Variants in MLLT1 observed in about 807,000 individuals in gnomAD.
MLLT1 encodes protein ENL.
In MLLT1, 11 loss-of-function variants were observed where a neutral mutation model predicts 55.1. That is an observed-to-expected ratio of 0.20 (90% CI 0.13 to 0.33). The LOEUF is 0.33. Ranked by LOEUF, MLLT1 falls within the 10% of genes least tolerant of loss-of-function variation. MLLT1 has a pLI of 1.00. For synonymous variants in MLLT1, 323 were observed against 320.1 expected, an observed-to-expected ratio of 1.01 and a Z score of -0.10; for missense variants, 536 against 760.6, an observed-to-expected ratio of 0.70 and a Z score of 3.47.
Position 6,226,090 on chromosome 19 carries a change from C to T in MLLT1, c.546+887G>A, listed in dbSNP as rs1332100165. ...TGCGGTTCTTCTCCCGCATGGCTGA[C>T]GGTGAGTCTGTGAGGCAGCTGGAGA... On this transcript the variant is annotated intron_variant, in intron 5 of 11. Transcript: ENST00000252674. This position sits in a 1 kb window ranked among gnomAD's most constrained non-coding sequence, Gnocchi z 6.3. Among the ~76,000 whole-genome samples the T allele has an allele frequency of 1.3e-5, 2 of 152,206 alleles. No homozygotes were observed. Among genetic ancestry groups the T allele is most frequent in the African/African-American group, 2.4e-5 (1 of 41,452 alleles).
At chr19:6,267,561 C>A (rs1385119932) in intron 2 of MLLT1, among the ~76,000 whole-genome samples, 1 of 152,056 alleles carries the variant, frequency 6.6e-6, no homozygotes, top group Non-Finnish European at 1.5e-5. Flanking sequence ...CAAATTTTAA[C>A]CAAAAATGAC....
rs945620563 is a variant in MLLT1, at chr19:6,270,400, C to T, written c.193+179G>A. ...CCACCACCTCCTTCGGTTCTTCCTACGACTAACTCAACAGCTGGAGGTGAC... is the reference window on the plus strand; with the variant it reads ...CCACCACCTCCTTCGGTTCTTCCTATGACTAACTCAACAGCTGGAGGTGAC... On this transcript the variant is annotated intron_variant, in intron 2 of 11. Coordinates refer to ENST00000252674, the MANE Select transcript of MLLT1 (RefSeq NM_005934.4). This position sits in a 1 kb window ranked among gnomAD's most constrained non-coding sequence, Gnocchi z 7.1. 4.6e-5 allele frequency among the ~76,000 whole-genome samples: 7 copies of T among 152,028 alleles called. No homozygotes were observed. The highest frequency in any genetic ancestry group is 7.4e-5 in the Non-Finnish European group (5 of 67,980).
At position 6,231,433 on chromosome 19, in the gene MLLT1, G is replaced by A. The variant is rs2091009099; in HGVS notation, c.277-720C>T. On this transcript the variant is annotated intron_variant, in intron 3 of 11. Coordinates refer to ENST00000252674, the MANE Select transcript of MLLT1 (RefSeq NM_005934.4). The surrounding 1 kb of genome is among the most constrained non-coding windows in gnomAD (Gnocchi z 5.1). ...TCAGGGCAGGCAGGCTTGCAGGAAG[G>A]AGCTGTCTGCACGGGCTCCTGTGGA... 6.6e-6 allele frequency among the ~76,000 whole-genome samples: 1 copy of A among 152,210 alleles called. No homozygotes were observed. Among genetic ancestry groups the A allele is most frequent in the Non-Finnish European group, 1.5e-5 (1 of 68,028 alleles).
intron 3 of MLLT1, among the ~76,000 whole-genome samples, chr19:6,239,460 C>T (rs763648631): frequency 1.3e-5 from 2 of 152,184 alleles, no homozygotes; most frequent in African/African-American, 2.4e-5. Context: ...CTGGCCAGAA[C>T]CAGGCACAGC....
chr19:6,226,894 C>T lies in MLLT1; in HGVS notation c.546+83G>A, dbSNP rs1179744702. 1.6e-6 allele frequency: 2 copies of T among 1,253,638 alleles called. No individual in the cohort carries two copies. The highest frequency in any genetic ancestry group is 3.1e-5 in the African/African-American group (2 of 63,646). 77.7% of individuals were successfully genotyped at this position (1,253,638 alleles called of 1,614,324 possible). ...GCGAGCAGGTGCGGAAGGCCCAGCCCAGTGGAGGGAGGGCGCCGGGGCCAG... is the reference window on the plus strand; with the variant it reads ...GCGAGCAGGTGCGGAAGGCCCAGCCTAGTGGAGGGAGGGCGCCGGGGCCAG... On this transcript the variant is annotated intron_variant, in intron 5 of 11. Transcript: ENST00000252674. This position sits in a 1 kb window ranked among gnomAD's most constrained non-coding sequence, Gnocchi z 6.3.
chr19:6,218,165 T>A, intron 6 of MLLT1, 124 bp from the exon 7 acceptor site: 1 of 1,388,496 alleles, frequency 7.2e-7, no homozygotes, highest in Non-Finnish European at 9.5e-7. Context: ...ACCCCTAGGG[T>A]CCCAAGGGTA....
At chr19:6,269,420 G>T (rs1043045138) in intron 2 of MLLT1, among the ~76,000 whole-genome samples, 1 of 152,248 alleles carries the variant, frequency 6.6e-6, no homozygotes, top group Non-Finnish European at 1.5e-5. Context: ...AGGAGCCTCC[G>T]CGGCCATCCT....
rs2090774979 is a variant in MLLT1, at chr19:6,211,798, T to C, written c.*1244A>G. 9.4e-7 allele frequency: 1 copy of C among 1,063,150 alleles called. No homozygotes were observed. The highest frequency in any genetic ancestry group is 1.1e-6 in the Non-Finnish European group (1 of 878,020). The allele number at this position is 1,063,150 out of a possible 1,614,324, so 65.9% of individuals were successfully genotyped here. ...CGGGAGCGTCCTGGCCCTGGAAGAGTGGGCCGGGAAGGAGGACCGGCTTGG... is the reference window on the plus strand; with the variant it reads ...CGGGAGCGTCCTGGCCCTGGAAGAGCGGGCCGGGAAGGAGGACCGGCTTGG... On this transcript the variant is annotated 3_prime_UTR_variant, in exon 12 of 12. Coordinates refer to ENST00000252674, the MANE Select transcript of MLLT1 (RefSeq NM_005934.4). This position sits in a 1 kb window ranked among gnomAD's most constrained non-coding sequence, Gnocchi z 4.6.
chr19:6,212,790 G>T lies in MLLT1; in HGVS notation c.*252C>A. ...CCCAGAGCTGCCTTCAACACCAGCC[G>T]CTCTCTGAGGGGAGCCCAGAGAGCC... On this transcript the variant is annotated 3_prime_UTR_variant, in exon 12 of 12. Transcript: ENST00000252674. 1.1e-6 allele frequency: 1 copy of T among 927,644 alleles called. No individual in the cohort carries two copies. The highest frequency in any genetic ancestry group is 1.4e-6 in the Non-Finnish European group (1 of 690,852). 57.5% of individuals were successfully genotyped at this position (927,644 alleles called of 1,614,324 possible).
At chr19:6,251,181 T>C (rs1467466910) in intron 3 of MLLT1, among the ~76,000 whole-genome samples, 1 of 152,238 alleles carries the variant, frequency 6.6e-6, no homozygotes, top group East Asian at 1.9e-4. Flanking sequence ...ACGGCAGTAG[T>C]ACAACCCTGT....
intron 3 of MLLT1, among the ~76,000 whole-genome samples, chr19:6,250,708 C>T (rs1012332364): frequency 2.0e-5 from 3 of 152,076 alleles, no homozygotes; most frequent in African/African-American, 4.8e-5. Flanking sequence ...TGGTTGAATT[C>T]ATGGATACGG....
At chr19:6,271,807 C>T (rs985950924) in intron 1 of MLLT1, among the ~76,000 whole-genome samples, 2 of 152,258 alleles carry the variant, frequency 1.3e-5, no homozygotes, top group African/African-American at 4.8e-5. Context: ...CTGAGTCCCA[C>T]ACCCTCCCCT....
rs572253445 is a variant in MLLT1, at chr19:6,240,437, C to T, written c.277-9724G>A. 6.6e-6 allele frequency among the ~76,000 whole-genome samples: 1 copy of T among 152,366 alleles called. No homozygotes were observed. Among genetic ancestry groups the T allele is most frequent in the Non-Finnish European group, 1.5e-5 (1 of 68,030 alleles). On this transcript the variant is annotated intron_variant, in intron 3 of 11. Coordinates refer to ENST00000252674, the MANE Select transcript of MLLT1 (RefSeq NM_005934.4). The surrounding 1 kb of genome is among the most constrained non-coding windows in gnomAD (Gnocchi z 4.7). ...AGCAGGTGACGCAGAGGGCGGGCTC[C>T]AAGCGGAGCTGGCACCCGGCGCAGG... is the stretch of plus-strand genomic sequence containing the variant.
rs1172494716 is a variant in MLLT1 at position 6,234,011 on chromosome 19, T to A, written c.277-3298A>T. ...TTCCAAGTGAGCCAACTGAGTGAGA[T>A]GCTAGGGCAGACTGGAGGGGGGATG... On this transcript the variant is annotated intron_variant, in intron 3 of 11. Coordinates refer to ENST00000252674, the MANE Select transcript of MLLT1 (RefSeq NM_005934.4). Among the ~76,000 whole-genome samples the A allele has an allele frequency of 2.7e-5, 4 of 148,412 alleles. No homozygotes were observed. In the South Asian group the frequency reaches 6.6e-4, roughly 25 times the overall value.
chr19:6,239,800 A>G (rs1050771072), intron 3 of MLLT1, among the ~76,000 whole-genome samples: 1 of 152,172 alleles, frequency 6.6e-6, no homozygotes, highest in African/African-American at 2.4e-5. Flanking sequence ...GTACACATAC[A>G]CACTCACATG....
At position 6,222,565 on chromosome 19, in the gene MLLT1, C is replaced by A. The variant is rs1408542846; in HGVS notation, c.666G>T (p.Gln222His). 6.2e-7 allele frequency: 1 copy of A among 1,601,204 alleles called. No individual in the cohort carries two copies. Among genetic ancestry groups the A allele is most frequent in the Admixed American group, 1.7e-5 (1 of 60,006 alleles). Residue 222 changes from glutamine (Q) to histidine (H), a missense_variant, in exon 6 of 12, where the codon CAG becomes CAT. Coordinates refer to ENST00000252674, the MANE Select transcript of MLLT1 (RefSeq NM_005934.4). This position sits in a 1 kb window ranked among gnomAD's most constrained non-coding sequence, Gnocchi z 4.1. The stretch of plus-strand genomic sequence containing the variant: ...GCGAGGTGTCCTTGGAGCTTTTGGC[C>A]TGCTCACGCTCCAGCTCCTTGGAGG... ...KSSSKELERE[Q>H]AKSSKDTSRK...
chr19:6,251,160 A>T (rs1027014545), intron 3 of MLLT1, among the ~76,000 whole-genome samples: 1 of 152,186 alleles, frequency 6.6e-6, no homozygotes, highest in African/African-American at 2.4e-5. Flanking sequence ...CTGCTCTGGA[A>T]CTAGAAGGAG....
intron 5 of MLLT1, among the ~76,000 whole-genome samples, chr19:6,225,326 C>CCCAT (rs2090945243): frequency 2.6e-5 from 4 of 152,352 alleles, no homozygotes; most frequent in Admixed American, 2.6e-4. Flanking sequence ...GCCCACCTAT[C>CCCAT]CCATCTCTCT....
intron 8 of MLLT1, 47 bp from the exon 9 acceptor site, chr19:6,214,085 C>T (rs1298534062): frequency 8.2e-7 from 1 of 1,226,456 alleles, no homozygotes; most frequent in African/African-American, 1.6e-5. Flanking sequence ...GCCACCACGG[C>T]CCCCACCCCA....
Sources: gnomAD v4.1 joint callset for allele counts (sites outside exome capture counted in the v4.1 genomes callset) on GRCh38, gnomAD v4.1.1 for gene constraint, Gnocchi (gnomAD v3.1) non-coding constraint, MANE v1.5 for transcripts, NCBI Gene and HGNC (gene_info 2026-07-23, HGNC 2026-07-21) for gene names.